The following DDHD1 variants were observed in gnomAD, a reference collection of about 807,000 sequenced individuals.
DDHD1 encodes the protein DDHD domain containing 1.
A neutral mutation model predicts 96.4 loss-of-function variants in DDHD1; 49 were observed. The ratio of observed to expected loss-of-function variants is 0.51; its 90% CI spans 0.40 to 0.64. The LOEUF (loss-of-function observed/expected upper bound fraction) is 0.64. Ranked by LOEUF, DDHD1 falls within the 30% of genes least tolerant of loss-of-function variation. The pLI, the probability that DDHD1 is intolerant of heterozygous loss-of-function variation, is 0.00. For missense variants in DDHD1, 1,106 were observed against 1,161.2 expected, an observed-to-expected ratio of 0.95 and a Z score of 0.69; for synonymous variants, 442 against 446.5, an observed-to-expected ratio of 0.99 and a Z score of 0.13.
At chr14:53,079,567 C>A (rs919368567) in intron 4 of DDHD1, among the ~76,000 whole-genome samples, 1 of 152,182 alleles carries the variant, frequency 6.6e-6, no homozygotes, top group East Asian at 1.9e-4. Flanking sequence ...GCATAGTATT[C>A]CCTTACAATC....
Position 53,091,935 on chromosome 14 carries a change from G to T in DDHD1, c.1142-3C>A. ...AAGTCTGGTACCACTACTTGATGCT[G>T]TAGAAAAATTATAATTCTAAGTTTA... On this transcript the variant is annotated splice_polypyrimidine_tract_variant and splice_region_variant and intron_variant, in intron 3 of 12. Coordinates refer to ENST00000673822, the MANE Select transcript of DDHD1 (RefSeq NM_001160148.2). 1 of 1,596,834 alleles carries T rather than the reference G, an allele frequency of 6.3e-7. No individual in the cohort carries two copies. The highest frequency in any genetic ancestry group is 8.5e-7 in the Non-Finnish European group (1 of 1,171,670).
Position 53,150,374 on chromosome 14 carries a change from C to T in DDHD1, c.838+1887G>A, listed in dbSNP as rs576729032. On this transcript the variant is annotated intron_variant, in intron 1 of 12. Transcript: ENST00000673822. ...CCCCACTAGACTAATGAATGAACTG[C>T]TTCATCACTTTCTAGCTAAGTGGCC... Among the ~76,000 whole-genome samples the T allele has an allele frequency of 1.6e-4, 24 of 152,334 alleles. No homozygotes were observed. In the Middle Eastern group the frequency reaches 0.01, roughly 65 times the overall value.
intron 1 of DDHD1, among the ~76,000 whole-genome samples, chr14:53,126,621 G>A (rs1464252139): frequency 6.6e-5 from 10 of 152,122 alleles, no homozygotes; most frequent in African/African-American, 2.4e-4. Flanking sequence ...ATCCACCTTG[G>A]CCTCCCAAAG....
At chr14:53,152,030 C>A (rs1218994830) in intron 1 of DDHD1, among the ~76,000 whole-genome samples, 2 of 152,188 alleles carry the variant, frequency 1.3e-5, no homozygotes, top group African/African-American at 4.8e-5. Context: ...ACCCAGGAGG[C>A]GCTACCCCCG....
intron 1 of DDHD1, among the ~76,000 whole-genome samples, chr14:53,105,957 C>G (rs1414170693): frequency 1.3e-5 from 2 of 151,418 alleles, no homozygotes; most frequent in African/African-American, 4.9e-5. Context: ...CTCTCTCTCT[C>G]CTGTGGTGGT....
intron 1 of DDHD1, among the ~76,000 whole-genome samples, chr14:53,124,139 G>A (rs1248105578): frequency 6.6e-6 from 1 of 151,764 alleles, no homozygotes; most frequent in Admixed American, 6.6e-5. Context: ...GGAGGCTGAG[G>A]CAGGAGAATC....
intron 11 of DDHD1, chr14:53,052,889 G>A (rs540623965): frequency 1.3e-5 from 2 of 151,664 alleles, no homozygotes; most frequent in South Asian, 4.2e-4. Context: ...ATAAAAAGAT[G>A]CAATACAGCT....
At chr14:53,069,421 C>T (rs1255044689) in intron 6 of DDHD1, among the ~76,000 whole-genome samples, 1 of 152,210 alleles carries the variant, frequency 6.6e-6, no homozygotes, top group Non-Finnish European at 1.5e-5. Flanking sequence ...ACTTTTCCAA[C>T]AGTGCTCACT....
intron 2 of DDHD1, chr14:53,103,169 C>T: frequency 3.1e-6 from 3 of 970,596 alleles, no homozygotes. Flanking sequence ...GTATTTTGAA[C>T]TGTTACAAAA....
chr14:53,117,024 T>A (rs1201810320), intron 1 of DDHD1, among the ~76,000 whole-genome samples: 5 of 151,866 alleles, frequency 3.3e-5, no homozygotes, highest in African/African-American at 4.8e-5. Flanking sequence ...GCTAGACTAA[T>A]AAAGAAGAAA....
intron 5 of DDHD1, 43 bp downstream of exon 5, chr14:53,073,698 A>C: frequency 6.6e-7 from 1 of 1,518,344 alleles, no homozygotes; most frequent in Non-Finnish European, 8.9e-7. Context: ...TTTTGGTAAA[A>C]GTTTGCCATT....
intron 6 of DDHD1, among the ~76,000 whole-genome samples, chr14:53,069,046 T>C (rs1884295745): frequency 6.6e-6 from 1 of 152,206 alleles, no homozygotes; most frequent in Non-Finnish European, 1.5e-5. Flanking sequence ...TTCAATGATC[T>C]ATAAATAATA....
chr14:53,153,018 G>A lies in DDHD1; in HGVS notation c.81C>T (p.Gly27=). 4 of 1,516,040 alleles carry A rather than the reference G, an allele frequency of 2.6e-6. No homozygotes were observed. The highest frequency in any genetic ancestry group is 3.5e-6 in the Non-Finnish European group (4 of 1,136,526). 93.9% of individuals were successfully genotyped at this position (1,516,040 alleles called of 1,614,324 possible). A position where few individuals can be genotyped will look rare whatever the true frequency, so the allele number is the denominator to read the frequency against. ...CGCCGAACGCTGGCCTCGCGTCTGAGCCCAGCTCCCAGGCGCCGCCGCCGC... is the reference window on the plus strand; with the variant it reads ...CGCCGAACGCTGGCCTCGCGTCTGAACCCAGCTCCCAGGCGCCGCCGCCGC... ...RGGGGGAWEL[G]SDARPAFGGG... Residue 27 remains glycine (G), a synonymous_variant, in exon 1 of 13, where the codon GGC becomes GGT. Transcript: ENST00000673822.
intron 8 of DDHD1, among the ~76,000 whole-genome samples, chr14:53,060,811 C>T (rs1050241994): frequency 6.6e-6 from 1 of 152,064 alleles, no homozygotes; most frequent in East Asian, 1.9e-4. Context: ...TTTACTGAGA[C>T]CAAGTACAAA....
intron 1 of DDHD1, among the ~76,000 whole-genome samples, chr14:53,140,631 TA>T (rs1190600035): frequency 2.6e-5 from 4 of 151,960 alleles, no homozygotes; most frequent in Non-Finnish European, 4.4e-5. Context: ...AGAGAATCAT[TA>T]AACAAAATCC....
In DDHD1 at chr14:53,037,770, G is replaced by A. The variant is rs575407021; in HGVS notation, c.*8998C>T. On this transcript the variant is annotated 3_prime_UTR_variant, in exon 13 of 13. Coordinates refer to ENST00000673822, the MANE Select transcript of DDHD1 (RefSeq NM_001160148.2). Reference sequence around the variant, plus strand: ...TGCCAATTTCTGTTTTGTTGCAATTGCCTTTGGGGACTTAGCCAAAAGTTC... The same window carrying A: ...TGCCAATTTCTGTTTTGTTGCAATTACCTTTGGGGACTTAGCCAAAAGTTC... 6.6e-6 allele frequency: 1 copy of A among 152,208 alleles called. No homozygotes were observed. Among genetic ancestry groups the A allele is most frequent in the East Asian group, 1.9e-4 (1 of 5,172 alleles). The allele number at this position is 152,208 out of a possible 1,614,324, so 9.4% of individuals were successfully genotyped here. A position where few individuals can be genotyped will look rare whatever the true frequency, so the allele number is the denominator to read the frequency against.
At chr14:53,117,351 C>G (rs569028378) in intron 1 of DDHD1, among the ~76,000 whole-genome samples, 1 of 152,084 alleles carries the variant, frequency 6.6e-6, no homozygotes. Context: ...GTCGCCTCAC[C>G]CAGGAAGCAG....
At chr14:53,095,684 T>G (rs1886828688) in intron 2 of DDHD1, among the ~76,000 whole-genome samples, 1 of 152,018 alleles carries the variant, frequency 6.6e-6, no homozygotes, top group Non-Finnish European at 1.5e-5. Context: ...TTTCATAAAC[T>G]AAAAAAAATC....
At chr14:53,129,050 T>C (rs1889670288) in intron 1 of DDHD1, among the ~76,000 whole-genome samples, 1 of 152,218 alleles carries the variant, frequency 6.6e-6, no homozygotes. Context: ...GAACTAATGA[T>C]AATCCCACCA....
Sources: allele counts gnomAD v4.1 joint callset (sites outside exome capture counted in the v4.1 genomes callset), GRCh38; gene constraint gnomAD v4.1.1; transcripts MANE v1.5; gene names NCBI Gene and HGNC (gene_info 2026-07-23, HGNC 2026-07-21).